The following MATN2 variants were observed in gnomAD, a reference collection of about 807,000 sequenced individuals.
MATN2 encodes matrilin-2.
In MATN2, 69 loss-of-function variants were observed where a neutral mutation model predicts 103.2. The observed-to-expected ratio is 0.67, with a 90% confidence interval of 0.55 to 0.82. The LOEUF (loss-of-function observed/expected upper bound fraction) is 0.82, where lower values mean the gene tolerates loss of function less well. MATN2 is among the 40% of genes least tolerant of loss of function. MATN2 has a pLI of 0.00. For missense variants in MATN2, 1,023 were observed against 1,211.5 expected (o/e 0.84, Z 2.31); for synonymous variants, 429 against 450.2 (o/e 0.95, Z 0.60).
chr8:97,994,163 A>G (rs1812490352), intron 6 of MATN2, among the ~76,000 whole-genome samples: 1 of 143,874 alleles, frequency 7.0e-6, no homozygotes, highest in Non-Finnish European at 1.5e-5. Flanking sequence ...GAAAGAAAAG[A>G]AAAGAGGGAA....
rs76021090 is a variant in MATN2, at chr8:97,936,373, G to A, written c.712+4851G>A. ...AATAGCCCCACCCCACCCAGGCCAGGCACAATTTAAGGCCCTAATAGTATT... is the reference window on the plus strand; with the variant it reads ...AATAGCCCCACCCCACCCAGGCCAGACACAATTTAAGGCCCTAATAGTATT... On this transcript the variant is annotated intron_variant, in intron 3 of 18. Coordinates refer to ENST00000254898, the MANE Select transcript of MATN2 (RefSeq NM_002380.5). Among the ~76,000 whole-genome samples the A allele has an allele frequency of 5.3e-3, 803 of 152,114 alleles. 9 individuals carry two copies. Among genetic ancestry groups the A allele is most frequent in the African/African-American group, 0.018 (758 of 41,494 alleles).
At chr8:97,979,340 T>C (rs1811947107) in intron 6 of MATN2, among the ~76,000 whole-genome samples, 1 of 152,236 alleles carries the variant, frequency 6.6e-6, no homozygotes, top group Non-Finnish European at 1.5e-5. Context: ...GGGCTTGAGA[T>C]GTTTTCATTG....
At chr8:97,988,574 C>T (rs750463151) in intron 6 of MATN2, among the ~76,000 whole-genome samples, 2 of 151,934 alleles carry the variant, frequency 1.3e-5, no homozygotes, top group Non-Finnish European at 2.9e-5. Context: ...TTCAGTAAGC[C>T]ACGATCACAC....
chr8:97,916,037 A>G (rs1241237636), intron 2 of MATN2, among the ~76,000 whole-genome samples: 1 of 127,546 alleles, frequency 7.8e-6, no homozygotes, highest in Non-Finnish European at 1.8e-5. Flanking sequence ...ATCACTGGCT[A>G]TGGTTTTTAT....
chr8:97,945,717 A>AAAATATATATATATATATATAT (rs59472539), intron 4 of MATN2, among the ~76,000 whole-genome samples: 1 of 121,832 alleles, frequency 8.2e-6, no homozygotes, highest in Admixed American at 9.1e-5. Context: ...AAAAAAAAAA[A>AAAATATATATATATATATATAT]ATATATATAT....
At chr8:97,928,986 G>C (rs1302488672) in intron 2 of MATN2, among the ~76,000 whole-genome samples, 1 of 152,162 alleles carries the variant, frequency 6.6e-6, no homozygotes, top group Admixed American at 6.5e-5. Flanking sequence ...CTCTGGAAAT[G>C]TTAGGTTTCA....
chr8:98,013,656 T>C (rs932255542), intron 10 of MATN2, among the ~76,000 whole-genome samples: 3 of 152,306 alleles, frequency 2.0e-5, no homozygotes, highest in East Asian at 1.9e-4. Flanking sequence ...TGTCTTACAT[T>C]GTTGGTGAGA....
intron 6 of MATN2, among the ~76,000 whole-genome samples, chr8:97,994,204 A>G (rs1812492287): frequency 7.6e-6 from 1 of 131,316 alleles, no homozygotes; most frequent in African/African-American, 2.8e-5. Flanking sequence ...GGAAGAGGGA[A>G]GAGGGGGAAG....
At chr8:98,001,863 C>G (rs1205143991) in intron 7 of MATN2, among the ~76,000 whole-genome samples, 2 of 152,124 alleles carry the variant, frequency 1.3e-5, no homozygotes, top group African/African-American at 4.8e-5. Context: ...AGGGCATATT[C>G]CCACCCCTTG....
chr8:97,900,891 C>T (rs913338378), intron 2 of MATN2, among the ~76,000 whole-genome samples: 1 of 152,064 alleles, frequency 6.6e-6, no homozygotes. Flanking sequence ...GCCGAGATAG[C>T]GCCACTGCAC....
At chr8:97,977,472 A>T (rs1246772369) in intron 5 of MATN2, among the ~76,000 whole-genome samples, 1 of 152,064 alleles carries the variant, frequency 6.6e-6, no homozygotes, top group Non-Finnish European at 1.5e-5. Context: ...GGACTCCAAC[A>T]TGTCTTTTTA....
At chr8:97,975,329 A>T (rs775339311) in intron 5 of MATN2, among the ~76,000 whole-genome samples, 2 of 152,212 alleles carry the variant, frequency 1.3e-5, no homozygotes, top group Non-Finnish European at 2.9e-5. Flanking sequence ...TCTATTCTAT[A>T]ACATTCTGGA....
intron 2 of MATN2, among the ~76,000 whole-genome samples, chr8:97,894,474 C>T (rs1410462519): frequency 1.3e-5 from 2 of 151,992 alleles, no homozygotes; most frequent in Non-Finnish European, 1.5e-5. Flanking sequence ...TCATGTACTA[C>T]CACGCCCAAC....
intron 2 of MATN2, among the ~76,000 whole-genome samples, chr8:97,920,074 T>G (rs949998392): frequency 3.3e-5 from 5 of 152,318 alleles, no homozygotes; most frequent in Admixed American, 3.3e-4. Context: ...TGGAGAAGGC[T>G]GAGTTCATGA....
chr8:98,011,757 G>A (rs1031499793), intron 10 of MATN2, among the ~76,000 whole-genome samples: 4 of 152,138 alleles, frequency 2.6e-5, no homozygotes, highest in African/African-American at 9.7e-5. Context: ...AACGTCTTAT[G>A]TGGAGCCCCA....
intron 4 of MATN2, among the ~76,000 whole-genome samples, chr8:97,958,852 G>C (rs922967476): frequency 6.6e-6 from 1 of 152,172 alleles, no homozygotes; most frequent in Non-Finnish European, 1.5e-5. Context: ...CCTGTGTGCA[G>C]AGATCCCTCT....
intron 10 of MATN2, among the ~76,000 whole-genome samples, chr8:98,011,338 G>C (rs1377922306): frequency 7.3e-6 from 1 of 137,892 alleles, no homozygotes; most frequent in Non-Finnish European, 1.5e-5. Flanking sequence ...CAGGGAGTAG[G>C]GGGAGGGGAC....
At chr8:97,907,035 C>G (rs568862442) in intron 2 of MATN2, among the ~76,000 whole-genome samples, 28 of 140,078 alleles carry the variant, frequency 2.0e-4, no homozygotes, top group African/African-American at 7.6e-4. Flanking sequence ...GAGTCTTGCT[C>G]TGTCGCCCAG....
chr8:98,006,815 A>C (rs1179587867), intron 8 of MATN2, among the ~76,000 whole-genome samples: 1 of 152,212 alleles, frequency 6.6e-6, no homozygotes, highest in Non-Finnish European at 1.5e-5. Context: ...GCATGGTGTC[A>C]GGCACCTGTA....
Sources: gnomAD v4.1 joint callset for allele counts (sites outside exome capture counted in the v4.1 genomes callset) on GRCh38, gnomAD v4.1.1 for gene constraint, MANE v1.5 for transcripts, NCBI Gene and HGNC (gene_info 2026-07-23, HGNC 2026-07-21) for gene names.